PDS5A: variants seen among roughly 807,000 people sequenced by gnomAD.
The protein encoded by PDS5A is PDS5 cohesin associated factor A, also known as sister chromatid cohesion protein PDS5 homolog A.
In PDS5A, 42 loss-of-function variants were observed where a neutral mutation model predicts 167.1. The observed-to-expected ratio is 0.25, with a 90% CI of 0.20 to 0.33. The LOEUF is 0.33. PDS5A is among the 10% of genes least tolerant of loss of function. The probability of loss-of-function intolerance (pLI) is 1.00; values close to 1 mark genes in which losing one functional copy is unlikely to be tolerated. For missense variants in PDS5A, 1,033 were observed against 1,605.9 expected (o/e 0.64, Z 6.10); for synonymous variants, 553 against 554.6 (o/e 1.00, Z 0.04).
In PDS5A at chr4:39,874,479, A is replaced by C; in HGVS notation, c.2154-67T>G. The C allele has an allele frequency of 3.8e-6, 5 of 1,311,008 alleles. No homozygotes were observed. The South Asian group carries it at 6.0e-5, about 16-fold the overall frequency. 81.2% of individuals were successfully genotyped at this position (1,311,008 alleles called of 1,614,324 possible). On this transcript the variant is annotated intron_variant, in intron 19 of 32. Coordinates refer to ENST00000303538, the MANE Select transcript of PDS5A (RefSeq NM_001100399.2). The stretch of plus-strand genomic sequence containing the variant: ...AAACCAACAAGTATTCCTTTGGTTG[A>C]CTTCCACTTCCCCTATATGGATGGA...
chr4:39,974,266 A>G, intron 2 of PDS5A: 1 of 547,978 alleles, frequency 1.8e-6, no homozygotes, highest in Admixed American at 1.9e-5. Context: ...CTATACCACC[A>G]CTTAATACTA....
intron 26 of PDS5A, among the ~76,000 whole-genome samples, chr4:39,855,971 A>G (rs1427024036): frequency 6.6e-6 from 1 of 152,240 alleles, no homozygotes; most frequent in Non-Finnish European, 1.5e-5. Context: ...GAATTTATAC[A>G]TCCAAGAAAC....
chr4:39,863,443 G>A lies in PDS5A; in HGVS notation c.2659C>T (p.Arg887Cys). 1 of 1,601,474 alleles carries A rather than the reference G, an allele frequency of 6.2e-7. No homozygotes were observed. Among genetic ancestry groups the A allele is most frequent in the Non-Finnish European group, 8.5e-7 (1 of 1,174,116 alleles). The change falls in exon 24 of 33, where the codon CGC (arginine) becomes TGC (cysteine). Residue 887 changes from arginine (R) to cysteine (C), a missense_variant. Around this residue, in one of 4 missense-constraint regions of PDS5A, gnomAD observed 367 missense variants for 686.7 expected, o/e 0.53. Transcript: ENST00000303538. ...GCACTACCAGCAGCTAATCGCAAGC[G>A]AGACATATCAGATTTACTATAAACA... ...QKRISKSDMS[R>C]LRLAAGSAIM...
intron 6 of PDS5A, among the ~76,000 whole-genome samples, chr4:39,920,763 T>G (rs1724884579): frequency 6.6e-6 from 1 of 152,186 alleles, no homozygotes; most frequent in Non-Finnish European, 1.5e-5. Context: ...ACACATACAC[T>G]CCCTGATCTA....
At chr4:39,895,372 T>C (rs1722313488) in intron 16 of PDS5A, among the ~76,000 whole-genome samples, 1 of 152,204 alleles carries the variant, frequency 6.6e-6, no homozygotes, top group Admixed American at 6.5e-5. Context: ...ACAGTGGTAT[T>C]TGTGTATTTG....
At chr4:39,924,753 G>A (rs747912803) in intron 5 of PDS5A, among the ~76,000 whole-genome samples, 1 of 152,118 alleles carries the variant, frequency 6.6e-6, no homozygotes, top group African/African-American at 2.4e-5. Flanking sequence ...ACTTATGTGA[G>A]GTATGTTTGC....
At chr4:39,838,742 C>T (rs746040340) in intron 31 of PDS5A, among the ~76,000 whole-genome samples, 18 of 150,484 alleles carry the variant, frequency 1.2e-4, no homozygotes, top group Non-Finnish European at 1.5e-4. Context: ...ATTGCAAGCC[C>T]GGCACGGTGC....
intron 16 of PDS5A, 136 bp downstream of exon 16, chr4:39,898,253 A>G: frequency 7.5e-7 from 1 of 1,324,838 alleles, no homozygotes; most frequent in Non-Finnish European, 9.7e-7. Flanking sequence ...ACTTGACAAT[A>G]GATATACTCC....
In PDS5A at chr4:39,879,821, T is replaced by C. The variant is rs746522246; in HGVS notation, c.1899A>G (p.Lys633=). ...IDSEAISALV[K]LMNKSIEGTA... ...TCCCCTCTATTGACTTATTCATCAA[T>C]TTCACTAGTGCACTATAAAAAGAAG... Residue 633 remains lysine, a synonymous_variant, in exon 18 of 33, where the codon AAA becomes AAG. Transcript: ENST00000303538. 2 of 1,599,754 alleles carry C rather than the reference T, an allele frequency of 1.3e-6. No homozygotes were observed. Among genetic ancestry groups the C allele is most frequent in the Non-Finnish European group, 1.7e-6 (2 of 1,167,116 alleles).
At chr4:39,873,330 C>T (rs1440402083) in intron 20 of PDS5A, among the ~76,000 whole-genome samples, 186 bp from the exon 21 acceptor site, 1 of 151,618 alleles carries the variant, frequency 6.6e-6, no homozygotes, top group Non-Finnish European at 1.5e-5. Flanking sequence ...TAAAATTTAG[C>T]AAGATTGAAA....
At chr4:39,882,635 A>G (rs1426677337) in intron 17 of PDS5A, among the ~76,000 whole-genome samples, 2 of 152,214 alleles carry the variant, frequency 1.3e-5, no homozygotes, top group African/African-American at 4.8e-5. Context: ...TCATGTGCCA[A>G]GTCTTATGGT....
At position 39,890,582 on chromosome 4, in the gene PDS5A, T is replaced by G. The variant is rs533110526; in HGVS notation, c.1771-218A>C. ...TGTGGTTTCTGAGTGAACACAGCCT[T>G]GCCTCACAATTCTTTGATGAAATTA... On this transcript the variant is annotated intron_variant, in intron 16 of 32. Transcript: ENST00000303538. 3.3e-5 allele frequency among the ~76,000 whole-genome samples: 5 copies of G among 152,226 alleles called. No individual in the cohort carries two copies. The South Asian group carries it at 1.0e-3, about 32-fold the overall frequency.
In PDS5A at chr4:39,866,020, ATC is replaced by A. The variant is rs200563714; in HGVS notation, c.2642+839_2642+840del. 5.8e-3 allele frequency among the ~76,000 whole-genome samples: 889 copies of A among 152,358 alleles called. 9 individuals are homozygous for A. The highest frequency in any genetic ancestry group is 0.02 in the African/African-American group (818 of 41,578). Reference sequence around the variant, plus strand: ...GTGAAAATGTGTAACAATGTAAACAATCTCTGTGTGCACATACAAGTGTACAC... The same window carrying A: ...GTGAAAATGTGTAACAATGTAAACAATCTGTGTGCACATACAAGTGTACAC... On this transcript the variant is annotated intron_variant, in intron 23 of 32. Coordinates refer to ENST00000303538, the MANE Select transcript of PDS5A (RefSeq NM_001100399.2).
chr4:39,948,621 A>ATTTTTTTT lies in PDS5A; in HGVS notation c.139-20465_139-20458dup, dbSNP rs55951253. On this transcript the variant is annotated intron_variant, in intron 2 of 32. Transcript: ENST00000303538. ...TACACGTGTGAGCTACCACGCCTGG[A>ATTTTTTTT]TTTTTTTTTTTTTTTTTTTTAAAGA... is the stretch of plus-strand genomic sequence containing the variant. 3.6e-5 allele frequency among the ~76,000 whole-genome samples: 4 copies of ATTTTTTTT among 110,932 alleles called. No individual in the cohort carries two copies. In the South Asian group the frequency reaches 8.9e-4, roughly 25 times the overall value. 72.8% of individuals were successfully genotyped at this position (110,932 alleles called of 152,430 possible).
intron 2 of PDS5A, among the ~76,000 whole-genome samples, chr4:39,957,604 T>C (rs1052366118): frequency 2.0e-5 from 3 of 150,962 alleles, no homozygotes; most frequent in Non-Finnish European, 4.4e-5. Flanking sequence ...GCTAACACGG[T>C]GAAACCCCAT....
At chr4:39,874,479 ACTTC>A in intron 19 of PDS5A, 67 bp from the exon 20 acceptor site, 2 of 1,311,008 alleles carry the variant, frequency 1.5e-6, no homozygotes, top group Non-Finnish European at 2.2e-6. Flanking sequence ...CCTTTGGTTG[ACTTC>A]CACTTCCCCT....
intron 2 of PDS5A, among the ~76,000 whole-genome samples, chr4:39,972,290 G>A (rs542101214): frequency 6.6e-6 from 1 of 152,308 alleles, no homozygotes; most frequent in Admixed American, 6.5e-5. Context: ...GGGAGGCCGA[G>A]GTGGGCGGAT....
chr4:39,823,595 TA>T lies in PDS5A; in HGVS notation c.*1889del, dbSNP rs1052272648. On this transcript the variant is annotated 3_prime_UTR_variant, in exon 33 of 33. Coordinates refer to ENST00000303538, the MANE Select transcript of PDS5A (RefSeq NM_001100399.2). ...TGCTAAGAGAACTTTAAACTCTCTC[TA>T]AATAGAACACACCTACTGATTGCTT... 5.9e-5 allele frequency: 9 copies of T among 152,620 alleles called. No individual in the cohort carries two copies. The highest frequency in any genetic ancestry group is 2.2e-4 in the African/African-American group (9 of 41,458). 9.5% of individuals were successfully genotyped at this position (152,620 alleles called of 1,614,324 possible).
chr4:39,912,387 G>C (rs993239300), intron 9 of PDS5A, among the ~76,000 whole-genome samples: 1 of 152,178 alleles, frequency 6.6e-6, no homozygotes, highest in Non-Finnish European at 1.5e-5. Flanking sequence ...TCCTGGGATA[G>C]GGAATTCCTC....
Sources: gnomAD v4.1 joint callset for allele counts (sites outside exome capture counted in the v4.1 genomes callset) on GRCh38, gnomAD v4.1.1 for gene constraint, gnomAD v4.1.1 regional missense constraint, MANE v1.5 for transcripts, NCBI Gene and HGNC (gene_info 2026-07-23, HGNC 2026-07-21) for gene names.